Variants in CHRM3 observed in about 807,000 individuals in gnomAD.
CHRM3 encodes the protein muscarinic acetylcholine receptor M3.
In CHRM3, 11 loss-of-function variants were observed where a neutral mutation model predicts 41.8. The observed-to-expected ratio is 0.26, with a 90% CI of 0.17 to 0.44. CHRM3 has a LOEUF of 0.44. Among genes scored for constraint, CHRM3 ranks in the 20% least tolerant of loss-of-function variants. The probability of loss-of-function intolerance (pLI) is 1.00; values close to 1 mark genes in which losing one functional copy is unlikely to be tolerated. For missense variants in CHRM3, 571 were observed against 745.4 expected, an observed-to-expected ratio of 0.77 and a Z score of 2.72; for synonymous variants, 297 against 301.4, an observed-to-expected ratio of 0.99 and a Z score of 0.15.
At chr1:239,670,265 A>G (rs1674225274) in intron 4 of CHRM3, among the ~76,000 whole-genome samples, 1 of 151,908 alleles carries the variant, frequency 6.6e-6, no homozygotes, top group South Asian at 2.1e-4. Context: ...CCCCCACCCC[A>G]AGCCCCAGGA....
intron 3 of CHRM3, among the ~76,000 whole-genome samples, chr1:239,551,881 G>A (rs1368665904): frequency 2.0e-5 from 3 of 152,090 alleles, no homozygotes; most frequent in Admixed American, 1.3e-4. Context: ...GAAGAAAATA[G>A]GTGATAGGTT....
intron 1 of CHRM3, among the ~76,000 whole-genome samples, chr1:239,489,566 C>G (rs1667425287): frequency 6.6e-6 from 1 of 152,142 alleles, no homozygotes; most frequent in Non-Finnish European, 1.5e-5. Flanking sequence ...GGTAGAGGAA[C>G]AGGATAGCTT....
Position 239,907,598 on chromosome 1 carries a change from C to G in CHRM3, c.147C>G (p.Phe49Leu). The G allele has an allele frequency of 6.2e-7, 1 of 1,614,170 alleles. No individual in the cohort carries two copies. The highest frequency in any genetic ancestry group is 8.5e-7 in the Non-Finnish European group (1 of 1,180,036). Residue 49 changes from phenylalanine to leucine, a missense_variant, in exon 7 of 7, where the codon TTC becomes TTG. Physicochemically the swap from Phe to Leu is conservative, Grantham distance 22. Coordinates refer to ENST00000676153, the MANE Select transcript of CHRM3 (RefSeq NM_001375978.1). The surrounding 1 kb of genome is among the most constrained non-coding windows in gnomAD (Gnocchi z 5.4). ...ATGTTTCTCGAGCAGCTGGCAATTT[C>G]TCCTCTCCAGACGGTACCACCGATG... ...SYNVSRAAGN[F>L]SSPDGTTDDP...
chr1:239,500,155 T>G (rs557091329), intron 2 of CHRM3, among the ~76,000 whole-genome samples: 1 of 152,260 alleles, frequency 6.6e-6, no homozygotes, highest in South Asian at 2.1e-4. Context: ...GTCAAAGGCC[T>G]TTTCTGCAAC....
intron 5 of CHRM3, among the ~76,000 whole-genome samples, chr1:239,741,540 G>A (rs1037787533): frequency 4.6e-5 from 7 of 152,104 alleles, no homozygotes; most frequent in Non-Finnish European, 1.0e-4. Context: ...AGATGCCAAG[G>A]TGCCATATGT....
intron 3 of CHRM3, among the ~76,000 whole-genome samples, chr1:239,553,293 T>C (rs981589577): frequency 6.6e-6 from 1 of 152,064 alleles, no homozygotes; most frequent in African/African-American, 2.4e-5. Flanking sequence ...ATGCTTCAGG[T>C]TAACCCTTGC....
chr1:239,671,985 C>G (rs57835157), intron 4 of CHRM3, among the ~76,000 whole-genome samples: 5,848 of 152,188 alleles, frequency 0.038, 257 homozygotes, highest in East Asian at 0.11. Flanking sequence ...GGAGACAAAG[C>G]AGTCTGAATC....
intron 1 of CHRM3, among the ~76,000 whole-genome samples, chr1:239,488,557 T>C (rs995556262): frequency 6.6e-6 from 1 of 151,056 alleles, no homozygotes; most frequent in East Asian, 2.0e-4. Flanking sequence ...CTACTAAAAA[T>C]GCAAAAAATT....
intron 5 of CHRM3, among the ~76,000 whole-genome samples, chr1:239,726,595 A>T (rs1022707545): frequency 6.0e-4 from 91 of 152,044 alleles, no homozygotes; most frequent in African/African-American, 2.0e-3. Context: ...TGGCTTCAGC[A>T]ATTACTTGTC....
At chr1:239,472,577 G>T (rs1666199385) in intron 1 of CHRM3, among the ~76,000 whole-genome samples, 2 of 152,174 alleles carry the variant, frequency 1.3e-5, no homozygotes, top group Non-Finnish European at 2.9e-5. Context: ...ACTTTGCAGG[G>T]ACATGAATGG....
intron 6 of CHRM3, among the ~76,000 whole-genome samples, chr1:239,903,490 A>G (rs1319965579): frequency 2.0e-5 from 3 of 152,212 alleles, no homozygotes; most frequent in Non-Finnish European, 2.9e-5. Flanking sequence ...GCAGTGGTTA[A>G]ATGAGCTTGT....
chr1:239,481,911 T>G (rs1207684856), intron 1 of CHRM3, among the ~76,000 whole-genome samples: 1 of 152,094 alleles, frequency 6.6e-6, no homozygotes, highest in Non-Finnish European at 1.5e-5. Context: ...GGGAAGTGAT[T>G]GATAACTTTT....
At position 239,444,427 on chromosome 1, in the gene CHRM3, G is replaced by A. The variant is rs899394214; in HGVS notation, c.-520-48282G>A. Among the ~76,000 whole-genome samples the A allele has an allele frequency of 3.9e-5, 6 of 152,266 alleles. No individual in the cohort carries two copies. In the East Asian group the frequency reaches 1.2e-3, roughly 29 times the overall value. ...TAAAAAGAATGTTTTGAATGGAGGAGTATATACAATACTAGGGATTTATTA... is the reference window on the plus strand; with the variant it reads ...TAAAAAGAATGTTTTGAATGGAGGAATATATACAATACTAGGGATTTATTA... On this transcript the variant is annotated intron_variant, in intron 1 of 6. Coordinates refer to ENST00000676153, the MANE Select transcript of CHRM3 (RefSeq NM_001375978.1).
intron 2 of CHRM3, among the ~76,000 whole-genome samples, chr1:239,512,971 A>T (rs961952017): frequency 6.6e-6 from 1 of 152,166 alleles, no homozygotes; most frequent in Non-Finnish European, 1.5e-5. Context: ...CCAGGCATGC[A>T]TTTGAGAGAT....
chr1:239,426,403 C>T (rs904203981), intron 1 of CHRM3, among the ~76,000 whole-genome samples: 1 of 148,932 alleles, frequency 6.7e-6, no homozygotes, highest in African/African-American at 2.5e-5. Context: ...AAGGCTTTGA[C>T]GTTTTCCTCT....
chr1:239,617,553 C>T lies in CHRM3; in HGVS notation c.-312-14671C>T, dbSNP rs536039221. ...CAGCTTGGGCAAGATGGTGAGACCT[C>T]GTCTCTACAAACAAATTTAAAATGT... On this transcript the variant is annotated intron_variant, in intron 3 of 6. Transcript: ENST00000676153. 5.3e-5 allele frequency among the ~76,000 whole-genome samples: 8 copies of T among 152,048 alleles called. No homozygotes were observed. The East Asian group carries it at 5.8e-4, about 11-fold the overall frequency.
chr1:239,899,494 ATG>A (rs940111935), intron 6 of CHRM3, among the ~76,000 whole-genome samples: 3 of 58,044 alleles, frequency 5.2e-5, no homozygotes, highest in African/African-American at 2.5e-4. Context: ...ACTCACACAC[ATG>A]TATATATACA....
rs183795136 is a variant in CHRM3, at chr1:239,882,283, C to T, written c.-19-25150C>T. Among the ~76,000 whole-genome samples the T allele has an allele frequency of 5.9e-5, 9 of 152,222 alleles. No individual in the cohort carries two copies. The South Asian group carries it at 6.2e-4, about 11-fold the overall frequency. ...ACTTGCCCTAAATCATATGCTAATTCGTAGTGGTGCCTCTCTGGCGTGCAG... is the reference window on the plus strand; with the variant it reads ...ACTTGCCCTAAATCATATGCTAATTTGTAGTGGTGCCTCTCTGGCGTGCAG... On this transcript the variant is annotated intron_variant, in intron 6 of 6. Coordinates refer to ENST00000676153, the MANE Select transcript of CHRM3 (RefSeq NM_001375978.1).
rs944317438 is a variant in CHRM3, at chr1:239,503,199, G to T, written c.-422+10392G>T. 3.9e-5 allele frequency among the ~76,000 whole-genome samples: 6 copies of T among 152,204 alleles called. No homozygotes were observed. The East Asian group carries it at 1.2e-3, about 29-fold the overall frequency. ...CAGAAAGATCCTAGAACGGATAAAA[G>T]AACTTGGCAAAGTTTCTGAATACAA... On this transcript the variant is annotated intron_variant, in intron 2 of 6. Transcript: ENST00000676153.
Sources: allele counts gnomAD v4.1 joint callset (sites outside exome capture counted in the v4.1 genomes callset), GRCh38; gene constraint gnomAD v4.1.1; non-coding constraint Gnocchi (gnomAD v3.1); transcripts MANE v1.5; gene names NCBI Gene and HGNC (gene_info 2026-07-23, HGNC 2026-07-21).